OLFM1: variants seen among roughly 807,000 people sequenced by gnomAD.
The protein encoded by OLFM1 is noelin.
Under a neutral mutation model 49.7 loss-of-function variants are expected in OLFM1, and 9 were observed. That is an observed-to-expected ratio of 0.18 (90% CI 0.11 to 0.32). OLFM1 has a LOEUF of 0.32. Ranked by LOEUF, OLFM1 falls within the 10% of genes least tolerant of loss-of-function variation. OLFM1 has a pLI of 1.00. For missense variants in OLFM1, 369 were observed against 661.8 expected (o/e 0.56, Z 4.85); for synonymous variants, 240 against 271.8 (o/e 0.88, Z 1.15).
In OLFM1 at chr9:135,091,875, T is replaced by TCA. The variant is rs199822860; in HGVS notation, c.300+1541_300+1542dup. On this transcript the variant is annotated intron_variant, in intron 2 of 5. Transcript: ENST00000371793. ...CATAGTCACACACACTCACACACAG[T>TCA]CACACACACACTCACACATAGTCAC... 8.2e-5 allele frequency among the ~76,000 whole-genome samples: 7 copies of TCA among 85,802 alleles called. No homozygotes were observed. In the South Asian group the frequency reaches 1.4e-3, roughly 17 times the overall value. The allele number at this position is 85,802 out of a possible 152,430, so 56.3% of individuals were successfully genotyped here. A position where few individuals can be genotyped will look rare whatever the true frequency, so the allele number is the denominator to read the frequency against.
chr9:135,102,839 C>T (rs913754868), intron 4 of OLFM1, among the ~76,000 whole-genome samples: 1 of 152,180 alleles, frequency 6.6e-6, no homozygotes, highest in African/African-American at 2.4e-5. Context: ...GCACTCAGCC[C>T]TCCTGGTCTG....
At chr9:135,076,739 G>A (rs1830471247) in intron 1 of OLFM1, 4 of 1,463,254 alleles carry the variant, frequency 2.7e-6, no homozygotes, top group Non-Finnish European at 2.7e-6. Flanking sequence ...GTGATGGGCA[G>A]CCAGTACCTT....
chr9:135,092,148 C>G (rs1276308730), intron 2 of OLFM1, among the ~76,000 whole-genome samples: 2 of 152,210 alleles, frequency 1.3e-5, no homozygotes, highest in African/African-American at 4.8e-5. Flanking sequence ...TGACCCGACT[C>G]GGGTCCACAT....
Position 135,087,975 on chromosome 9 carries a change from G to T in OLFM1, c.-15G>T. The T allele has an allele frequency of 7.0e-7, 1 of 1,430,426 alleles. No homozygotes were observed. Among genetic ancestry groups the T allele is most frequent in the Non-Finnish European group, 9.3e-7 (1 of 1,080,792 alleles). The allele number at this position is 1,430,426 out of a possible 1,614,324, so 88.6% of individuals were successfully genotyped here. ...TGCCAGCTCGGAGCGGGCGCTGGAGGCAGCTCGAGGCGCGATGTCGGTGCC... is the reference window on the plus strand; with the variant it reads ...TGCCAGCTCGGAGCGGGCGCTGGAGTCAGCTCGAGGCGCGATGTCGGTGCC... On this transcript the variant is annotated 5_prime_UTR_variant, in exon 1 of 6. Transcript: ENST00000371793.
rs927209026 is a variant in OLFM1 at position 135,080,994 on chromosome 9, A to G, written c.96+5192A>G. ...TAATAATGATAGTAAATAATATACTATATAAGATAAATAATGTAAGAAACT... is the reference window on the plus strand; with the variant it reads ...TAATAATGATAGTAAATAATATACTGTATAAGATAAATAATGTAAGAAACT... On this transcript the variant is annotated intron_variant, in intron 1 of 5. Transcript: ENST00000252854. The surrounding 1 kb of genome is among the most constrained non-coding windows in gnomAD (Gnocchi z 4.5). Among the ~76,000 whole-genome samples the G allele has an allele frequency of 6.6e-6, 1 of 151,356 alleles. No homozygotes were observed. The highest frequency in any genetic ancestry group is 1.5e-5 in the Non-Finnish European group (1 of 67,876).
chr9:135,100,124 A>G (rs1173684990), intron 4 of OLFM1, among the ~76,000 whole-genome samples: 2 of 152,200 alleles, frequency 1.3e-5, no homozygotes, highest in Non-Finnish European at 2.9e-5. Context: ...CCCCATGAGC[A>G]GTGTCTTCCC....
chr9:135,083,229 C>T (rs1300822738), upstream of OLFM1, among the ~76,000 whole-genome samples: 3 of 152,138 alleles, frequency 2.0e-5, no homozygotes, highest in Non-Finnish European at 4.4e-5. Context: ...TTGTCTTGTC[C>T]CTGTTCTTCA....
chr9:135,095,790 C>T, intron 2 of OLFM1, 74 bp from the exon 3 acceptor site: 3 of 1,530,492 alleles, frequency 2.0e-6, no homozygotes, highest in South Asian at 1.2e-5. Context: ...AGGGCAATGT[C>T]TGTACGAGCA....
chr9:135,108,796 C>T (rs1309251181), intron 5 of OLFM1, among the ~76,000 whole-genome samples: 3 of 152,296 alleles, frequency 2.0e-5, no homozygotes, highest in South Asian at 2.1e-4. Context: ...GACCTGCCTG[C>T]GTCGGGGTCA....
upstream of OLFM1, among the ~76,000 whole-genome samples, chr9:135,084,691 C>T (rs368251172): frequency 3.9e-5 from 6 of 152,108 alleles, no homozygotes; most frequent in East Asian, 5.8e-4. The surrounding 1 kb of genome is among the most constrained non-coding windows in gnomAD (Gnocchi z 4.6). Context: ...GGAGAGTATG[C>T]GTATTTTTAA....
At chr9:135,077,176 A>G (rs1830479504) in intron 1 of OLFM1, 6 of 1,543,750 alleles carry the variant, frequency 3.9e-6, no homozygotes, top group African/African-American at 1.4e-5. Flanking sequence ...ACATGCACAC[A>G]CAGGGGAGCA....
chr9:135,107,850 C>T (rs1415305623), intron 5 of OLFM1, among the ~76,000 whole-genome samples: 1 of 152,202 alleles, frequency 6.6e-6, no homozygotes, highest in East Asian at 1.9e-4. Flanking sequence ...ATGGACCCAG[C>T]TCTCTCCCCT....
chr9:135,108,909 C>T (rs1157239891), intron 5 of OLFM1, among the ~76,000 whole-genome samples: 3 of 152,096 alleles, frequency 2.0e-5, no homozygotes, highest in South Asian at 2.1e-4. Flanking sequence ...CACTCCAAGC[C>T]GAGTCCCTTA....
chr9:135,087,515 G>A (rs1481555798), upstream of OLFM1: 10 of 1,374,924 alleles, frequency 7.3e-6, no homozygotes, highest in Non-Finnish European at 9.6e-6. Flanking sequence ...TGGGCGGACT[G>A]GAGTTTGCAG....
chr9:135,113,481 C>T lies in OLFM1; in HGVS notation c.784-6023C>T, dbSNP rs1362714125. 6.6e-6 allele frequency among the ~76,000 whole-genome samples: 1 copy of T among 152,194 alleles called. No individual in the cohort carries two copies. The highest frequency in any genetic ancestry group is 1.5e-5 in the Non-Finnish European group (1 of 68,024). ...ATTGAACCACTACAGGTGGCAGGTC[C>T]TCACAGGACCTATTTTACAGCAGAG... On this transcript the variant is annotated intron_variant, in intron 5 of 5. Transcript: ENST00000371793. This position sits in a 1 kb window ranked among gnomAD's most constrained non-coding sequence, Gnocchi z 4.0.
rs144853464 is a variant in OLFM1, at chr9:135,076,603, G to C, written c.96+801G>C. On this transcript the variant is annotated intron_variant, in intron 1 of 5. Transcript: ENST00000252854. ...GGGTTGCTTTGGCACTATGGTGCTC[G>C]GAAGAGCCTGCCAGCCGAGGGAGCC... The C allele has an allele frequency of 1.8e-4, 193 of 1,069,036 alleles. 1 individual carries two copies. The African/African-American group carries it at 2.9e-3, about 16-fold the overall frequency. 66.2% of individuals were successfully genotyped at this position (1,069,036 alleles called of 1,614,324 possible).
rs573686651 is a variant in OLFM1 at position 135,119,887 on chromosome 9, C to G, written c.1167C>G (p.Thr389=). ...GGCTGGACCCCGTGTCCCTGCAGAC[C>G]CTGCAGACCTGGAACACGAGCTACC... is the stretch of plus-strand genomic sequence containing the variant. ...VSRLDPVSLQ[T]LQTWNTSYPK... is the part of the protein sequence containing the mutation. Residue 389 remains threonine, a synonymous_variant, in exon 6 of 6, where the codon ACC becomes ACG. Transcript: ENST00000371793. 6.2e-7 allele frequency: 1 copy of G among 1,613,542 alleles called. No homozygotes were observed. Among genetic ancestry groups the G allele is most frequent in the East Asian group, 2.2e-5 (1 of 44,876 alleles).
intron 2 of OLFM1, among the ~76,000 whole-genome samples, chr9:135,091,856 C>T (rs1292001442): frequency 1.5e-5 from 1 of 67,146 alleles, no homozygotes; most frequent in Non-Finnish European, 2.8e-5. Context: ...CACACATAGT[C>T]ACACACACTC....
In OLFM1 at chr9:135,080,743, T is replaced by C. The variant is rs1378278307; in HGVS notation, c.96+4941T>C. Among the ~76,000 whole-genome samples the C allele has an allele frequency of 6.6e-6, 1 of 152,116 alleles. No individual in the cohort carries two copies. Among genetic ancestry groups the C allele is most frequent in the Non-Finnish European group, 1.5e-5 (1 of 68,020 alleles). ...AAGTAATACAAAACTAATTACTAGC[T>C]AAACTGAATTAGATACATGGCAACC... On this transcript the variant is annotated intron_variant, in intron 1 of 5. Coordinates refer to the OLFM1 transcript ENST00000252854. The surrounding 1 kb of genome is among the most constrained non-coding windows in gnomAD (Gnocchi z 4.5).
Sources: gnomAD v4.1 joint callset for allele counts (sites outside exome capture counted in the v4.1 genomes callset) on GRCh38, gnomAD v4.1.1 for gene constraint, Gnocchi (gnomAD v3.1) non-coding constraint, MANE v1.5 for transcripts, NCBI Gene and HGNC (gene_info 2026-07-23, HGNC 2026-07-21) for gene names.